PRKCZ: variants seen among roughly 807,000 people sequenced by gnomAD.
The protein encoded by PRKCZ is protein kinase C zeta.
A neutral mutation model predicts 79.5 loss-of-function variants in PRKCZ; 33 were observed. The ratio of observed to expected loss-of-function variants is 0.41; its 90% CI spans 0.31 to 0.55. The LOEUF (loss-of-function observed/expected upper bound fraction) is 0.55, where lower values mean the gene tolerates loss of function less well. Ranked by LOEUF, PRKCZ falls within the 20% of genes least tolerant of loss-of-function variation. The pLI is 0.19. For synonymous variants in PRKCZ, 342 were observed against 320.9 expected (o/e 1.07, Z -0.70); for missense variants, 578 against 813.5 (o/e 0.71, Z 3.52).
chr1:2,099,458 G>A lies in PRKCZ; in HGVS notation c.335-35804G>A, dbSNP rs1667087009. On this transcript the variant is annotated intron_variant, in intron 4 of 17. Coordinates refer to ENST00000378567, the MANE Select transcript of PRKCZ (RefSeq NM_002744.6). The stretch of plus-strand genomic sequence containing the variant: ...CAGACCAATGATTGACAGTTCCAGG[G>A]TGTGATGGACACAGGCGGCTGCCAG... Among the ~76,000 whole-genome samples the A allele has an allele frequency of 4.0e-5, 6 of 150,736 alleles. No homozygotes were observed. The South Asian group carries it at 1.3e-3, about 32-fold the overall frequency.
chr1:2,061,523 G>A (rs1158157410), intron 4 of PRKCZ, among the ~76,000 whole-genome samples: 1 of 152,168 alleles, frequency 6.6e-6, no homozygotes, highest in Non-Finnish European at 1.5e-5. Flanking sequence ...CCCGAGGAAG[G>A]ACCTCCTGGG....
At chr1:2,095,609 C>G (rs1488312926) in intron 4 of PRKCZ, among the ~76,000 whole-genome samples, 1 of 152,042 alleles carries the variant, frequency 6.6e-6, no homozygotes, top group Non-Finnish European at 1.5e-5. Context: ...TGGTGCCGGC[C>G]GGCTGTGCCC....
chr1:2,172,511 TC>T lies in PRKCZ; in HGVS notation c.1285+126del. On this transcript the variant is annotated intron_variant, in intron 13 of 17. Coordinates refer to ENST00000378567, the MANE Select transcript of PRKCZ (RefSeq NM_002744.6). The surrounding 1 kb of genome is among the most constrained non-coding windows in gnomAD (Gnocchi z 7.8). ...ACACCCAAAAGCCACACACTGTCTT[TC>T]CCAGCCGGATGTCATCATCTGGCCT... 1 of 1,120,186 alleles carries T rather than the reference TC, an allele frequency of 8.9e-7. No individual in the cohort carries two copies. The highest frequency in any genetic ancestry group is 1.2e-6 in the Non-Finnish European group (1 of 806,912). The allele number at this position is 1,120,186 out of a possible 1,614,324, so 69.4% of individuals were successfully genotyped here. A position where few individuals can be genotyped will look rare whatever the true frequency, so the allele number is the denominator to read the frequency against.
At chr1:2,105,972 T>A (rs1334608981) in intron 4 of PRKCZ, among the ~76,000 whole-genome samples, 1 of 152,170 alleles carries the variant, frequency 6.6e-6, no homozygotes, top group Non-Finnish European at 1.5e-5. Context: ...CCCCTGAGGA[T>A]GAGGGGGCTC....
At chr1:2,161,825 G>T (rs530614826) in intron 10 of PRKCZ, among the ~76,000 whole-genome samples, 2 of 152,012 alleles carry the variant, frequency 1.3e-5, no homozygotes, top group Non-Finnish European at 2.9e-5. Flanking sequence ...CAGGGATAGG[G>T]GTGGCAGCCC....
intron 4 of PRKCZ, among the ~76,000 whole-genome samples, chr1:2,124,639 A>T (rs1673514349): frequency 6.6e-6 from 1 of 152,084 alleles, no homozygotes; most frequent in Non-Finnish European, 1.5e-5. Context: ...TAAGCCGCCC[A>T]GTCTGTGGTA....
intron 1 of PRKCZ, among the ~76,000 whole-genome samples, chr1:2,052,276 C>T (rs888512771): frequency 6.6e-6 from 1 of 152,170 alleles, no homozygotes; most frequent in Non-Finnish European, 1.5e-5. Flanking sequence ...CCCCGTCCTC[C>T]CTCTGCCTTG....
chr1:2,054,854 G>C (rs1164731496), intron 1 of PRKCZ, among the ~76,000 whole-genome samples: 3 of 152,046 alleles, frequency 2.0e-5, no homozygotes, highest in African/African-American at 7.2e-5. Flanking sequence ...CCACAAGAGG[G>C]CACTTTCTTT....
intron 5 of PRKCZ, chr1:2,141,826 G>T: frequency 4.5e-6 from 1 of 222,242 alleles, no homozygotes; most frequent in Non-Finnish European, 9.3e-6. Context: ...GTGTTCTTCT[G>T]CGCTGTGGAC....
chr1:2,131,345 C>T (rs757051790), intron 4 of PRKCZ, among the ~76,000 whole-genome samples: 3 of 152,146 alleles, frequency 2.0e-5, no homozygotes, highest in African/African-American at 4.8e-5. Context: ...TGGCTCACAC[C>T]TGTAATCTCA....
chr1:2,054,008 G>T (rs1284372022), intron 1 of PRKCZ, among the ~76,000 whole-genome samples: 1 of 152,214 alleles, frequency 6.6e-6, no homozygotes, highest in Admixed American at 6.5e-5. Flanking sequence ...GTGGCCCAGG[G>T]TGACTGGGTG....
rs1452477325 is a variant in PRKCZ, at chr1:2,147,014, C to T, written c.634+906C>T. ...TCCATCCATCTCGTCATCCAGCCAG[C>T]CAGCCAGCCATCCTCCACCCACCCA... On this transcript the variant is annotated intron_variant, in intron 7 of 17. Transcript: ENST00000378567. Among the ~76,000 whole-genome samples the T allele has an allele frequency of 2.0e-5, 3 of 152,150 alleles. No homozygotes were observed. In the East Asian group the frequency reaches 5.8e-4, roughly 29 times the overall value.
intron 4 of PRKCZ, among the ~76,000 whole-genome samples, chr1:2,119,098 TTAA>T (rs1671335251): frequency 6.6e-6 from 1 of 152,202 alleles, no homozygotes. Context: ...AATACTTCTC[TTAA>T]TGTTATTTTA....
intron 4 of PRKCZ, among the ~76,000 whole-genome samples, chr1:2,100,414 C>G (rs1012886256): frequency 1.3e-5 from 2 of 152,204 alleles, no homozygotes; most frequent in African/African-American, 2.4e-5. Flanking sequence ...AGGCACCTCC[C>G]TGATCTCTGG....
At chr1:2,070,217 A>T (rs908845309) in intron 4 of PRKCZ, among the ~76,000 whole-genome samples, 3 of 152,268 alleles carry the variant, frequency 2.0e-5, no homozygotes, top group African/African-American at 4.8e-5. Context: ...ATACCCGGGC[A>T]GCGGGACCCT....
intron 4 of PRKCZ, among the ~76,000 whole-genome samples, chr1:2,091,127 G>A (rs13303312): frequency 0.11 from 17,157 of 152,204 alleles, 1,061 homozygotes; most frequent in Middle Eastern, 0.16. Flanking sequence ...CGCCTCCTGG[G>A]TTCAAGCAGT....
At chr1:2,121,306 C>A (rs1671836386) in intron 4 of PRKCZ, among the ~76,000 whole-genome samples, 1 of 152,196 alleles carries the variant, frequency 6.6e-6, no homozygotes, top group South Asian at 2.1e-4. Flanking sequence ...TGGCTGTGGG[C>A]CAGCATAAGC....
At chr1:2,087,982 G>C (rs984996387) in intron 4 of PRKCZ, among the ~76,000 whole-genome samples, 1 of 152,228 alleles carries the variant, frequency 6.6e-6, no homozygotes, top group Non-Finnish European at 1.5e-5. Context: ...TGCCTGGCGC[G>C]TGCTGGCCGC....
At chr1:2,113,083 G>C (rs566029177) in intron 4 of PRKCZ, among the ~76,000 whole-genome samples, 4 of 152,244 alleles carry the variant, frequency 2.6e-5, no homozygotes, top group Admixed American at 6.5e-5. Context: ...GAGGCTGGCC[G>C]GGTCACCCAG....
Sources: gnomAD v4.1 joint callset for allele counts (sites outside exome capture counted in the v4.1 genomes callset) on GRCh38, gnomAD v4.1.1 for gene constraint, Gnocchi (gnomAD v3.1) non-coding constraint, MANE v1.5 for transcripts, NCBI Gene and HGNC (gene_info 2026-07-23, HGNC 2026-07-21) for gene names.